PCGF3: variants seen among roughly 807,000 people sequenced by gnomAD.
The protein encoded by PCGF3 is polycomb group RING finger protein 3.
In PCGF3, 7 loss-of-function variants were observed where a neutral mutation model predicts 33.1. That is an observed-to-expected ratio of 0.21 (90% CI 0.12 to 0.40). The LOEUF is 0.40. PCGF3 is among the 10% of genes least tolerant of loss of function. The pLI is 1.00. For synonymous variants in PCGF3, 153 were observed against 121.3 expected (o/e 1.26, Z -1.72); for missense variants, 211 against 313.3 (o/e 0.67, Z 2.46).
Position 720,916 on chromosome 4 carries a change from C to A in PCGF3, c.-189-9714C>A, listed in dbSNP as rs1023415336. ...TTAGTGCGAGGGCGGCTTGGAGAAG[C>A]CTGTCCTGGGCGGGTTTCACCACTT... On this transcript the variant is annotated intron_variant, in intron 1 of 10. Transcript: ENST00000362003. The surrounding 1 kb of genome is among the most constrained non-coding windows in gnomAD (Gnocchi z 5.6). Among the ~76,000 whole-genome samples, 7 of 152,132 alleles carry A rather than the reference C, an allele frequency of 4.6e-5. No individual in the cohort carries two copies. Among genetic ancestry groups the A allele is most frequent in the Non-Finnish European group, 1.0e-4 (7 of 68,008 alleles).
exon 11 of PCGF3, chr4:766,274 T>G (rs1745369348): frequency 1.8e-6 from 1 of 568,470 alleles, no homozygotes; most frequent in Non-Finnish European, 3.1e-6. Context: ...TGAAAACACT[T>G]CACAGTCTCC....
At chr4:767,415 G>A (rs754930850) in exon 11 of PCGF3, 2 of 152,128 alleles carry the variant, frequency 1.3e-5, no homozygotes, top group African/African-American at 2.4e-5. Context: ...TCCTGCAGTT[G>A]TCATTGTCTT....
At chr4:735,679 C>G (rs1028925315) in intron 5 of PCGF3, among the ~76,000 whole-genome samples, 1 of 152,258 alleles carries the variant, frequency 6.6e-6, no homozygotes, top group African/African-American at 2.4e-5. Flanking sequence ...CCCCTTTCAC[C>G]TTTCTGCCAT....
chr4:722,817 G>A (rs537602833), intron 1 of PCGF3, among the ~76,000 whole-genome samples: 3 of 57,562 alleles, frequency 5.2e-5, no homozygotes, highest in East Asian at 5.0e-4. Flanking sequence ...GTCCACACTC[G>A]CGACATCGCC....
intron 8 of PCGF3, chr4:757,751 C>T (rs560977811): frequency 2.6e-5 from 4 of 152,232 alleles, no homozygotes; most frequent in Admixed American, 6.5e-5. Context: ...TTCCTTCCTC[C>T]CTGTTGTCTA....
chr4:744,516 A>G (rs2152592769), intron 7 of PCGF3, 84 bp from the exon 8 acceptor site: 1 of 1,021,800 alleles, frequency 9.8e-7, no homozygotes, highest in Non-Finnish European at 1.5e-6. Context: ...TGAATTTTTG[A>G]CGGCATTTGG....
At chr4:743,447 G>T in intron 6 of PCGF3, 27 bp from the exon 7 acceptor site, 2 of 1,352,756 alleles carry the variant, frequency 1.5e-6, no homozygotes, top group South Asian at 1.2e-5. Flanking sequence ...CCTGTGAGAT[G>T]AAAGACTGTG....
rs1213776026 is a variant in PCGF3, at chr4:721,889, C to T, written c.-189-8741C>T. 1.4e-5 allele frequency among the ~76,000 whole-genome samples: 2 copies of T among 145,616 alleles called. No individual in the cohort carries two copies. Among genetic ancestry groups the T allele is most frequent in the African/African-American group, 2.7e-5 (1 of 37,732 alleles). ...GGAGACTGGTGGATGGGTGGCTCTG[C>T]GTGTGGGCGTGGAGAGAGGCCTGTG... On this transcript the variant is annotated intron_variant, in intron 1 of 10. Transcript: ENST00000362003. This position sits in a 1 kb window ranked among gnomAD's most constrained non-coding sequence, Gnocchi z 4.1.
exon 11 of PCGF3, chr4:768,341 A>G (rs575291261): frequency 1.3e-5 from 2 of 152,574 alleles, no homozygotes; most frequent in South Asian, 4.1e-4. Flanking sequence ...GCTGGAGCGC[A>G]ATGGCCCTGC....
At chr4:729,908 C>G (rs940546732) in intron 1 of PCGF3, among the ~76,000 whole-genome samples, 1 of 152,216 alleles carries the variant, frequency 6.6e-6, no homozygotes, top group African/African-American at 2.4e-5. Flanking sequence ...CCAACTCACA[C>G]AGGAACGTGT....
chr4:754,017 G>A (rs901365811), intron 8 of PCGF3, among the ~76,000 whole-genome samples: 3 of 152,158 alleles, frequency 2.0e-5, no homozygotes, highest in Admixed American at 6.5e-5. Context: ...GGCAGGAGTC[G>A]CCTCCGTCTT....
At chr4:763,680 T>G (rs1270257708) in intron 9 of PCGF3, among the ~76,000 whole-genome samples, 1 of 152,100 alleles carries the variant, frequency 6.6e-6, no homozygotes, top group African/African-American at 2.4e-5. Flanking sequence ...AAACACACTC[T>G]CGGCAAACCA....
At chr4:714,760 A>G (rs1279831763) in intron 1 of PCGF3, among the ~76,000 whole-genome samples, 1 of 152,222 alleles carries the variant, frequency 6.6e-6, no homozygotes, top group Non-Finnish European at 1.5e-5. Context: ...AGCTGGAGAA[A>G]GCTGCCCTGG....
chr4:727,233 CTT>C (rs57690550), intron 1 of PCGF3, among the ~76,000 whole-genome samples: 12 of 61,898 alleles, frequency 1.9e-4, no homozygotes, highest in Non-Finnish European at 2.9e-4. Context: ...TAGCGAGCGT[CTT>C]TTTTTTTTTT....
At chr4:727,233 C>CTTTTGT (rs1743367427) in intron 1 of PCGF3, among the ~76,000 whole-genome samples, 1 of 61,894 alleles carries the variant, frequency 1.6e-5, no homozygotes, top group Non-Finnish European at 2.9e-5. Flanking sequence ...TAGCGAGCGT[C>CTTTTGT]TTTTTTTTTT....
chr4:733,807 G>A lies in PCGF3; in HGVS notation c.109+18G>A, dbSNP rs201226831. ...GCACACCTGTACGTGCCCTGCCCGC[G>A]CCACCCAGGGAGGGCGCGCCCTTCC... On this transcript the variant is annotated intron_variant, in intron 4 of 10. Coordinates refer to ENST00000362003, the Ensembl canonical transcript of PCGF3. 36 of 1,613,576 alleles carry A rather than the reference G, an allele frequency of 2.2e-5. No individual in the cohort carries two copies. Among genetic ancestry groups the A allele is most frequent in the Non-Finnish European group, 2.6e-5 (31 of 1,180,024 alleles).
At chr4:737,228 G>A (rs1306157753) in intron 5 of PCGF3, among the ~76,000 whole-genome samples, 1 of 152,234 alleles carries the variant, frequency 6.6e-6, no homozygotes, top group Non-Finnish European at 1.5e-5. Flanking sequence ...GTTCCCAGAA[G>A]AGCCTTCTCT....
intron 1 of PCGF3, among the ~76,000 whole-genome samples, chr4:722,732 A>G (rs76971990): frequency 0.26 from 5,728 of 21,684 alleles, 1,554 homozygotes; most frequent in African/African-American, 0.45. Flanking sequence ...GTCATCGCCC[A>G]CCCACGCCGG....
chr4:743,631 T>G lies in PCGF3; in HGVS notation c.373+47T>G, dbSNP rs746808030. On this transcript the variant is annotated intron_variant, in intron 7 of 10. Coordinates refer to ENST00000362003, the Ensembl canonical transcript of PCGF3. ...CCAGAAGCCCCGGGAATCCCCTGCA[T>G]GAGGCCTTTTCTTAAAGAGCTGGCG... is the stretch of plus-strand genomic sequence containing the variant. 12 of 1,114,842 alleles carry G rather than the reference T, an allele frequency of 1.1e-5. No individual in the cohort carries two copies. The Admixed American group carries it at 2.0e-4, about 18-fold the overall frequency. 69.1% of individuals were successfully genotyped at this position (1,114,842 alleles called of 1,614,324 possible).
Sources: allele counts gnomAD v4.1 joint callset (sites outside exome capture counted in the v4.1 genomes callset), GRCh38; gene constraint gnomAD v4.1.1; non-coding constraint Gnocchi (gnomAD v3.1); transcripts MANE v1.5; gene names NCBI Gene and HGNC (gene_info 2026-07-23, HGNC 2026-07-21).